The following GUCY2D variants were observed in gnomAD, a reference collection of about 807,000 sequenced individuals.
GUCY2D encodes the protein retinal guanylyl cyclase 1.
In GUCY2D, 70 loss-of-function variants were observed where a neutral mutation model predicts 101.3. The observed-to-expected ratio is 0.69, with a 90% CI of 0.57 to 0.84. The LOEUF (loss-of-function observed/expected upper bound fraction) is 0.84, where lower values mean the gene tolerates loss of function less well. GUCY2D is among the 40% of genes least tolerant of loss of function. GUCY2D has a pLI of 0.00. For missense variants in GUCY2D, 1,460 were observed against 1,542.5 expected, an observed-to-expected ratio of 0.95 and a Z score of 0.90; for synonymous variants, 688 against 670.7, an observed-to-expected ratio of 1.03 and a Z score of -0.40.
rs1236572248 is a variant in GUCY2D, at chr17:8,015,362, C to T, written c.2804C>T (p.Ser935Leu). The part of the protein sequence containing the change: ...ETIGDAYMVA[S>L]GLPQRNGQRH... The stretch of plus-strand genomic sequence containing the variant: ...ATAGGGGACGCCTATATGGTGGCCT[C>T]GGGGCTGCCCCAGCGGAATGGGCAG... Residue 935 changes from serine to leucine, a missense_variant, in exon 15 of 20, where the codon TCG becomes TTG. By Grantham distance (145) the Ser-to-Leu change is moderately radical. Coordinates refer to ENST00000254854, the MANE Select transcript of GUCY2D (RefSeq NM_000180.4). 2.5e-6 allele frequency: 4 copies of T among 1,610,844 alleles called. No homozygotes were observed. The highest frequency in any genetic ancestry group is 1.3e-5 in the African/African-American group (1 of 74,944).
In GUCY2D at chr17:8,005,877, G is replaced by GT. The variant is rs769551807; in HGVS notation, c.1027-480dup. ...TAACAATAGAGAAGGTTTTTTGTTT[G>GT]TTTTTTGTTTAGTTTTTTTGTTTGT... On this transcript the variant is annotated intron_variant, in intron 3 of 19. Coordinates refer to ENST00000254854, the MANE Select transcript of GUCY2D (RefSeq NM_000180.4). Among the ~76,000 whole-genome samples, 29 of 152,200 alleles carry GT rather than the reference G, an allele frequency of 1.9e-4. 1 individual carries two copies. The highest frequency in any genetic ancestry group is 1.2e-3 in the Admixed American group (18 of 15,282).
rs766286225 is a variant in GUCY2D, at chr17:8,003,646, C to T, written c.599C>T (p.Ser200Leu). The change falls in exon 2 of 20, where the codon TCA becomes TTA. Residue 200 changes from serine to leucine, a missense_variant. Ser to Leu is a moderately radical substitution (Grantham distance 145). Coordinates refer to ENST00000254854, the MANE Select transcript of GUCY2D (RefSeq NM_000180.4). ...GACCTGTGGGTGGAGGCGGGACGCT[C>T]ACTGTCCACGGCACTCAGGGCCCGG... Reference protein sequence around the residue: ...PQDLWVEAGRSLSTALRARGL... With the variant: ...PQDLWVEAGRLLSTALRARGL... 6.3e-7 allele frequency: 1 copy of T among 1,594,304 alleles called. No individual in the cohort carries two copies. Among genetic ancestry groups the T allele is most frequent in the Admixed American group, 1.7e-5 (1 of 59,680 alleles).
chr17:8,013,512 C>T lies in GUCY2D; in HGVS notation c.2263+260C>T. Reference sequence around the variant, plus strand: ...CAAACTGTTTCCACAACTGACAGAACAGACTCCTCTCTGTTCTCAGGGGTC... The same window carrying T: ...CAAACTGTTTCCACAACTGACAGAATAGACTCCTCTCTGTTCTCAGGGGTC... On this transcript the variant is annotated intron_variant, in intron 11 of 19. Coordinates refer to ENST00000254854, the MANE Select transcript of GUCY2D (RefSeq NM_000180.4). This position sits in a 1 kb window ranked among gnomAD's most constrained non-coding sequence, Gnocchi z 5.0. 1.7e-6 allele frequency: 1 copy of T among 585,960 alleles called. No homozygotes were observed. The highest frequency in any genetic ancestry group is 2.0e-5 in the South Asian group (1 of 50,564). The allele number at this position is 585,960 out of a possible 1,614,324, so 36.3% of individuals were successfully genotyped here. A position where few individuals can be genotyped will look rare whatever the true frequency, so the allele number is the denominator to read the frequency against.
At position 8,007,044 on chromosome 17, in the gene GUCY2D, G is replaced by T. The variant is rs553866555; in HGVS notation, c.1379-16G>T. On this transcript the variant is annotated splice_polypyrimidine_tract_variant and intron_variant, in intron 4 of 19. Transcript: ENST00000254854. ...GGCATCGCTCCTCAGTATACCTCCT[G>T]TCACTGTCCCTTCAGGACTGGAGCC... 1 of 1,607,148 alleles carries T rather than the reference G, an allele frequency of 6.2e-7. No homozygotes were observed. Among genetic ancestry groups the T allele is most frequent in the Non-Finnish European group, 8.5e-7 (1 of 1,173,798 alleles).
chr17:8,015,595 A>G (rs1316840485), intron 15 of GUCY2D, 93 bp downstream of exon 15: 1 of 1,270,126 alleles, frequency 7.9e-7, no homozygotes, highest in African/African-American at 1.5e-5. Flanking sequence ...TGGAGCGGGG[A>G]GTGGGGCTTA....
rs1598144670 is a variant in GUCY2D at position 8,004,030 on chromosome 17, G to T, written c.900G>T (p.Gln300His). ...EALAALANSS[Q>H]LRRAHDAVLT... is the part of the protein sequence containing the mutation. ...TGGCCGCACTCGCCAACAGCTCCCA[G>T]CTTCGCAGGGCCCACGATGCCGTGC... is the stretch of plus-strand genomic sequence containing the variant. Residue 300 changes from glutamine to histidine, a missense_variant, in exon 3 of 20, where the codon CAG becomes CAT. Transcript: ENST00000254854. The T allele has an allele frequency of 6.2e-7, 1 of 1,611,854 alleles. No individual in the cohort carries two copies.
At chr17:8,008,552 G>A (rs1481730487) in intron 7 of GUCY2D, among the ~76,000 whole-genome samples, 1 of 152,216 alleles carries the variant, frequency 6.6e-6, no homozygotes, top group Non-Finnish European at 1.5e-5. Context: ...CAGATTGAGA[G>A]AGAGCTGAGA....
At position 8,014,757 on chromosome 17, in the gene GUCY2D, C is replaced by T; in HGVS notation, c.2569C>T (p.Leu857=). 1.5e-6 allele frequency: 2 copies of T among 1,375,612 alleles called. No homozygotes were observed. The highest frequency in any genetic ancestry group is 6.8e-5 in the East Asian group (2 of 29,272). 85.2% of individuals were successfully genotyped at this position (1,375,612 alleles called of 1,614,324 possible). A position where few individuals can be genotyped will look rare whatever the true frequency, so the allele number is the denominator to read the frequency against. The change falls in exon 13 of 20, where the codon CTG becomes TTG. Residue 857 remains leucine, a synonymous_variant. Coordinates refer to ENST00000254854, the MANE Select transcript of GUCY2D (RefSeq NM_000180.4). This position sits in a 1 kb window ranked among gnomAD's most constrained non-coding sequence, Gnocchi z 4.0. ...QKTDRLLTQM[L]PPSVAEALKT... ...GACAGACCGGCTGCTTACACAGATG[C>T]TGCCTCCGTGGGTGCCAGTGGGAAG...
chr17:8,017,770 G>A (rs1976004960), intron 19 of GUCY2D, among the ~76,000 whole-genome samples: 2 of 152,124 alleles, frequency 1.3e-5, no homozygotes, highest in Middle Eastern at 3.4e-3. Context: ...TCGACTCATT[G>A]CAACCTCCTC....
At chr17:8,009,451 C>A in intron 7 of GUCY2D, 55 bp from the exon 8 acceptor site, 1 of 1,104,862 alleles carries the variant, frequency 9.1e-7, no homozygotes, top group Non-Finnish European at 1.4e-6. Context: ...TCTAGGGCTC[C>A]CCATCGTGGG....
chr17:8,007,609 C>A, intron 6 of GUCY2D, 81 bp downstream of exon 6: 1 of 860,150 alleles, frequency 1.2e-6, no homozygotes, highest in South Asian at 1.4e-5. Context: ...CCGACCCCAG[C>A]TCCCTACTTG....
intron 10 of GUCY2D, 137 bp from the exon 11 acceptor site, chr17:8,012,966 C>T (rs977197648): frequency 2.8e-6 from 2 of 717,002 alleles, no homozygotes; most frequent in South Asian, 1.8e-5. Flanking sequence ...GAGATAGTTG[C>T]AGGGCTGGTC....
Position 8,002,618 on chromosome 17 carries a change from C to T in GUCY2D, c.-126C>T, listed in dbSNP as rs548945470. ...AGATTAAGGGCTCTGGCCGGCTGTA[C>T]CCACGCCCCCGCCCTGGCCTGGGCT... On this transcript the variant is annotated 5_prime_UTR_variant, in exon 1 of 20. Transcript: ENST00000254854. This position sits in a 1 kb window ranked among gnomAD's most constrained non-coding sequence, Gnocchi z 4.9. 48 of 189,140 alleles carry T rather than the reference C, an allele frequency of 2.5e-4. No individual in the cohort carries two copies. In the South Asian group the frequency reaches 4.6e-3, roughly 18 times the overall value. 11.7% of individuals were successfully genotyped at this position (189,140 alleles called of 1,614,324 possible).
Position 8,003,189 on chromosome 17 carries a change from C to T in GUCY2D, c.142C>T (p.Pro48Ser), listed in dbSNP as rs1201566039. ...LLLLLLLLQP[P>S]ALSAVFTVGV... ...GCTGCTCCTGCTTCTGCTGCAGCCC[C>T]CCGCCCTCTCCGCCGTGTTCACGGT... is the stretch of plus-strand genomic sequence containing the variant. The change falls in exon 2 of 20, where the codon CCC (proline) becomes TCC (serine). Residue 48 changes from proline to serine, a missense_variant. Physicochemically the swap from Pro to Ser is moderately conservative, Grantham distance 74. Around this residue, in one of 3 missense-constraint regions of GUCY2D, gnomAD observed 1,196 missense variants for 1,229.6 expected, o/e 0.97. Transcript: ENST00000254854. The T allele has an allele frequency of 1.3e-6, 2 of 1,517,946 alleles. No individual in the cohort carries two copies. The highest frequency in any genetic ancestry group is 8.8e-7 in the Non-Finnish European group (1 of 1,138,886). The allele number at this position is 1,517,946 out of a possible 1,614,324, so 94.0% of individuals were successfully genotyped here.
At position 8,015,789 on chromosome 17, in the gene GUCY2D, C is replaced by T. The variant is rs529615133; in HGVS notation, c.2991C>T (p.Cys997=). Residue 997 remains cysteine, a synonymous_variant, in exon 16 of 20, where the codon TGC becomes TGT. Coordinates refer to ENST00000254854, the MANE Select transcript of GUCY2D (RefSeq NM_000180.4). Reference sequence around the variant, plus strand: ...TGGGCCTCACCATGCCGCGGTACTGCCTGTTTGGGGACACGGTCAACACCG... The same window carrying T: ...TGGGCCTCACCATGCCGCGGTACTGTCTGTTTGGGGACACGGTCAACACCG... The part of the protein sequence containing the change: ...GVVGLTMPRY[C]LFGDTVNTAS... The T allele has an allele frequency of 6.2e-7, 1 of 1,612,750 alleles. No homozygotes were observed. The highest frequency in any genetic ancestry group is 1.1e-5 in the South Asian group (1 of 90,900).
At chr17:8,008,154 TG>T in intron 7 of GUCY2D, 122 bp downstream of exon 7, 2 of 720,412 alleles carry the variant, frequency 2.8e-6, no homozygotes, top group Non-Finnish European at 5.0e-6. Context: ...CTCCAGGAGA[TG>T]GGGGATGGGA....
chr17:8,006,627 G>A lies in GUCY2D; in HGVS notation c.1291G>A (p.Gly431Ser), dbSNP rs368557900. The part of the protein sequence containing the change: ...DPARGSFLSA[G>S]TRMHFPRGGS... ...TGCCCGGGGCTCCTTCCTCTCCGCC[G>A]GTACCCGGATGCACTTCCCGCGTGG... Residue 431 changes from glycine to serine, a missense_variant, in exon 4 of 20, where the codon GGT becomes AGT. By Grantham distance (56) the Gly-to-Ser change is moderately conservative. Around this residue, in one of 3 missense-constraint regions of GUCY2D, gnomAD observed 1,196 missense variants for 1,229.6 expected, o/e 0.97. Coordinates refer to ENST00000254854, the MANE Select transcript of GUCY2D (RefSeq NM_000180.4). 8.1e-6 allele frequency: 13 copies of A among 1,612,584 alleles called. No individual in the cohort carries two copies. In the African/African-American group the frequency reaches 1.2e-4, roughly 15 times the overall value.
In GUCY2D at chr17:8,006,657, T is replaced by C; in HGVS notation, c.1321T>C (p.Ser441Pro). 6.2e-7 allele frequency: 1 copy of C among 1,612,584 alleles called. No homozygotes were observed. The highest frequency in any genetic ancestry group is 8.5e-7 in the Non-Finnish European group (1 of 1,179,436). The change falls in exon 4 of 20, where the codon TCA becomes CCA. Residue 441 changes from serine (S) to proline (P), a missense_variant. By Grantham distance (74) the Ser-to-Pro change is moderately conservative (BLOSUM62 -1). Coordinates refer to ENST00000254854, the MANE Select transcript of GUCY2D (RefSeq NM_000180.4). ...GTRMHFPRGG[S>P]APGPDPSCWF... The stretch of plus-strand genomic sequence containing the variant: ...CCGGATGCACTTCCCGCGTGGGGGA[T>C]CAGCACCCGGACCTGACCCCTCGTG...
Position 8,014,105 on chromosome 17 carries a change from C to T in GUCY2D, c.2412+77C>T, listed in dbSNP as rs1266011558. Reference sequence around the variant, plus strand: ...GCTTGTCAGCAACCTGAGACAGCTGCAGACAGGCAGGCTGGCAGGACCTCT... The same window carrying T: ...GCTTGTCAGCAACCTGAGACAGCTGTAGACAGGCAGGCTGGCAGGACCTCT... On this transcript the variant is annotated intron_variant, in intron 12 of 19. Coordinates refer to ENST00000254854, the MANE Select transcript of GUCY2D (RefSeq NM_000180.4). This position sits in a 1 kb window ranked among gnomAD's most constrained non-coding sequence, Gnocchi z 4.0. The T allele has an allele frequency of 7.4e-7, 1 of 1,351,314 alleles. No homozygotes were observed. The highest frequency in any genetic ancestry group is 1.1e-6 in the Non-Finnish European group (1 of 951,694). 83.7% of individuals were successfully genotyped at this position (1,351,314 alleles called of 1,614,324 possible). A position where few individuals can be genotyped will look rare whatever the true frequency, so the allele number is the denominator to read the frequency against.
Sources: gnomAD v4.1 joint callset for allele counts (sites outside exome capture counted in the v4.1 genomes callset) on GRCh38, gnomAD v4.1.1 for gene constraint, gnomAD v4.1.1 regional missense constraint, Gnocchi (gnomAD v3.1) non-coding constraint, MANE v1.5 for transcripts, NCBI Gene and HGNC (gene_info 2026-07-23, HGNC 2026-07-21) for gene names.